SLC9A2: variants seen among roughly 807,000 people sequenced by gnomAD.
The protein encoded by SLC9A2 is solute carrier family 9 member A2.
In SLC9A2, 42 loss-of-function variants were observed where a neutral mutation model predicts 71.7. That is an observed-to-expected ratio of 0.59 (90% CI 0.46 to 0.76). The LOEUF is 0.76. SLC9A2 is among the 30% of genes least tolerant of loss of function. SLC9A2 has a pLI of 0.00. For synonymous variants in SLC9A2, 396 were observed against 392.5 expected (o/e 1.01, Z -0.10); for missense variants, 829 against 1,017.4 (o/e 0.81, Z 2.52).
chr2:102,664,504 T>C (rs897513208), intron 2 of SLC9A2, among the ~76,000 whole-genome samples: 1 of 151,460 alleles, frequency 6.6e-6, no homozygotes, highest in Non-Finnish European at 1.5e-5. Context: ...GCCTCTTTGC[T>C]TGAAGAAAAT....
intron 3 of SLC9A2, among the ~76,000 whole-genome samples, chr2:102,673,407 C>A (rs911503951): frequency 2.6e-5 from 4 of 152,092 alleles, no homozygotes; most frequent in African/African-American, 7.2e-5. Flanking sequence ...ATGAATCATA[C>A]CATTGCTTTT....
chr2:102,707,517 A>G (rs1407602218), intron 11 of SLC9A2, among the ~76,000 whole-genome samples: 1 of 152,148 alleles, frequency 6.6e-6, no homozygotes. Context: ...CCCTACCCGT[A>G]GCACTCTAGC....
intron 2 of SLC9A2, 136 bp from the exon 3 acceptor site, chr2:102,664,964 C>T (rs891759111): frequency 7.7e-6 from 7 of 908,074 alleles, no homozygotes; most frequent in Non-Finnish European, 1.2e-5. Flanking sequence ...AATGAATACA[C>T]AATGATTGTC....
intron 3 of SLC9A2, among the ~76,000 whole-genome samples, chr2:102,673,717 C>T (rs995227129): frequency 5.9e-5 from 9 of 151,854 alleles, no homozygotes; most frequent in Non-Finnish European, 1.2e-4. Flanking sequence ...ACACTACTTT[C>T]TGGTAATGTG....
intron 3 of SLC9A2, among the ~76,000 whole-genome samples, chr2:102,670,257 C>T (rs563587337): frequency 1.3e-5 from 2 of 151,462 alleles, no homozygotes; most frequent in African/African-American, 4.9e-5. Flanking sequence ...ACCTCGTGAT[C>T]CGCCCACCTC....
chr2:102,650,740 A>G (rs574003833), intron 1 of SLC9A2, among the ~76,000 whole-genome samples: 27 of 152,242 alleles, frequency 1.8e-4, no homozygotes, highest in East Asian at 1.9e-4. Context: ...TGAATTTACT[A>G]TTTCATCCCT....
intron 1 of SLC9A2, among the ~76,000 whole-genome samples, chr2:102,630,614 TG>T (rs1676338446): frequency 6.6e-6 from 1 of 152,072 alleles, no homozygotes; most frequent in South Asian, 2.1e-4. Context: ...GTCTCTTCAT[TG>T]CTGTGGTATT....
intron 1 of SLC9A2, among the ~76,000 whole-genome samples, chr2:102,656,118 G>A (rs190189346): frequency 5.3e-5 from 8 of 152,372 alleles, no homozygotes; most frequent in Non-Finnish European, 5.9e-5. Context: ...ATGCCTGAAG[G>A]ATGATTGCTG....
intron 5 of SLC9A2, among the ~76,000 whole-genome samples, chr2:102,690,511 A>T (rs910278505): frequency 7.9e-5 from 12 of 152,162 alleles, no homozygotes; most frequent in African/African-American, 2.7e-4. Flanking sequence ...TGATTTTCGA[A>T]GATGGGAGCA....
At chr2:102,641,238 C>T (rs1676574690) in intron 1 of SLC9A2, among the ~76,000 whole-genome samples, 1 of 152,088 alleles carries the variant, frequency 6.6e-6, no homozygotes, top group South Asian at 2.1e-4. Context: ...GGAGAGAGAG[C>T]CACACAGAGC....
chr2:102,644,404 C>T (rs1221908054), intron 1 of SLC9A2, among the ~76,000 whole-genome samples: 3 of 152,186 alleles, frequency 2.0e-5, no homozygotes, highest in Non-Finnish European at 2.9e-5. Flanking sequence ...TGGGCAGACA[C>T]TGAGCTAGCT....
At position 102,696,141 on chromosome 2, in the gene SLC9A2, C is replaced by T. The variant is rs899427159; in HGVS notation, c.1586+1028C>T. On this transcript the variant is annotated intron_variant, in intron 7 of 11. Transcript: ENST00000233969. ...GCTCATCACGTACCTCTCTTCCTGA[C>T]TGCACATTTGGCACTGTCCAGAGTG... Among the ~76,000 whole-genome samples, 17 of 152,218 alleles carry T rather than the reference C, an allele frequency of 1.1e-4. 1 individual carries two copies. In the South Asian group the frequency reaches 3.5e-3, roughly 32 times the overall value.
At chr2:102,700,112 T>G (rs1677845429) in intron 7 of SLC9A2, among the ~76,000 whole-genome samples, 1 of 152,182 alleles carries the variant, frequency 6.6e-6, no homozygotes, top group African/African-American at 2.4e-5. Flanking sequence ...CCAGGATTTT[T>G]GACCTGGTGG....
chr2:102,625,515 C>T (rs528527760), intron 1 of SLC9A2, among the ~76,000 whole-genome samples: 25 of 149,748 alleles, frequency 1.7e-4, no homozygotes, highest in Admixed American at 9.3e-4. Context: ...GTTCCCCTTC[C>T]TGTTTCCAAG....
chr2:102,703,575 A>AT (rs1380382982), intron 9 of SLC9A2, among the ~76,000 whole-genome samples: 3 of 152,068 alleles, frequency 2.0e-5, no homozygotes, highest in Non-Finnish European at 4.4e-5. Flanking sequence ...TATTTCCATG[A>AT]TTTTGCATAA....
chr2:102,621,591 C>T (rs1676138662), intron 1 of SLC9A2, among the ~76,000 whole-genome samples: 1 of 152,172 alleles, frequency 6.6e-6, no homozygotes, highest in African/African-American at 2.4e-5. Flanking sequence ...AGAATGTATG[C>T]ATTACATGTG....
At chr2:102,706,917 G>A (rs1476645474) in intron 11 of SLC9A2, among the ~76,000 whole-genome samples, 1 of 152,156 alleles carries the variant, frequency 6.6e-6, no homozygotes, top group Non-Finnish European at 1.5e-5. Context: ...CGAAGCCATT[G>A]TCTGTGAACC....
intron 1 of SLC9A2, among the ~76,000 whole-genome samples, chr2:102,656,467 G>A (rs1676945353): frequency 6.6e-6 from 1 of 152,178 alleles, no homozygotes; most frequent in African/African-American, 2.4e-5. Flanking sequence ...GCTGGGGCTT[G>A]ACCACACTTT....
At chr2:102,660,788 A>T (rs942796838) in intron 2 of SLC9A2, among the ~76,000 whole-genome samples, 5 of 152,192 alleles carry the variant, frequency 3.3e-5, no homozygotes, top group African/African-American at 1.2e-4. Flanking sequence ...CGGACTTTGG[A>T]AAGGTATTAA....
Sources: gnomAD v4.1 joint callset for allele counts (sites outside exome capture counted in the v4.1 genomes callset) on GRCh38, gnomAD v4.1.1 for gene constraint, MANE v1.5 for transcripts, NCBI Gene and HGNC (gene_info 2026-07-23, HGNC 2026-07-21) for gene names.